CGREF1: variants seen among roughly 807,000 people sequenced by gnomAD.
The protein encoded by CGREF1 is cell growth regulator with EF hand domain protein 1.
In CGREF1, 16 loss-of-function variants were observed where a neutral mutation model predicts 17.4. That is an observed-to-expected ratio of 0.92 (90% confidence interval 0.62 to 1.40). The LOEUF is 1.40. Among genes scored for constraint, CGREF1 ranks in the 40% most tolerant of loss-of-function variants. CGREF1 has a pLI of 0.00. For missense variants in CGREF1, 296 were observed against 376.4 expected (o/e 0.79, Z 1.77); for synonymous variants, 142 against 154.6 (o/e 0.92, Z 0.61).
downstream of CGREF1, chr2:27,100,228 ACT>A (rs1469143636): frequency 1.3e-5 from 5 of 397,120 alleles, no homozygotes; most frequent in South Asian, 4.1e-5. Flanking sequence ...CGTTGTGCAG[ACT>A]CTATTCCCAC....
Position 27,102,387 on chromosome 2 carries a change from G to A in CGREF1, c.190C>T (p.Gln64Ter), listed in dbSNP as rs1157803736. ...TGCTCCCGGCTCAGATGCTCCAGTTGCACTTCTGTCCTTCCTAGTCCCTTT... is the reference window on the plus strand; with the variant it reads ...TGCTCCCGGCTCAGATGCTCCAGTTACACTTCTGTCCTTCCTAGTCCCTTT... ...YLKGLGRTEV[Q>*]LEHLSREQVL... Residue 64 changes from glutamine (Q) to a stop codon, truncating the protein, a stop_gained, in exon 4 of 6, where the codon CAA becomes TAA. Transcript: ENST00000402394. LOFTEE classifies it high-confidence loss of function. 3 of 1,614,002 alleles carry A rather than the reference G, an allele frequency of 1.9e-6. No homozygotes were observed. In the East Asian group the frequency reaches 6.7e-5, roughly 36 times the overall value.
downstream of CGREF1, chr2:27,100,438 A>C (rs1280055433): frequency 7.7e-7 from 1 of 1,291,016 alleles, no homozygotes; most frequent in Non-Finnish European, 1.0e-6. Flanking sequence ...GGCGTGCCTC[A>C]GCCACAAATG....
downstream of CGREF1, chr2:27,100,442 A>C: frequency 7.7e-7 from 1 of 1,291,078 alleles, no homozygotes; most frequent in East Asian, 5.5e-5. Context: ...TGCCTCAGCC[A>C]CAAATGTGAC....
At position 27,100,608 on chromosome 2, in the gene CGREF1, C is replaced by A; in HGVS notation, c.*666G>T. 1 of 1,216,274 alleles carries A rather than the reference C, an allele frequency of 8.2e-7. No individual in the cohort carries two copies. The highest frequency in any genetic ancestry group is 1.1e-6 in the Non-Finnish European group (1 of 927,206). The allele number at this position is 1,216,274 out of a possible 1,614,324, so 75.3% of individuals were successfully genotyped here. ...TGAGACAGACCTGGATTAAAATCTG[C>A]CATTTAATTAGCTGCATATCACCTT... On this transcript the variant is annotated 3_prime_UTR_variant, in exon 6 of 6. Coordinates refer to ENST00000402394, the MANE Select transcript of CGREF1 (RefSeq NM_006569.6).
chr2:27,116,481 T>G (rs1671567178), intron 1 of CGREF1, among the ~76,000 whole-genome samples: 1 of 151,488 alleles, frequency 6.6e-6, no homozygotes, highest in East Asian at 1.9e-4. Flanking sequence ...GAGCCAAGAT[T>G]GTGCCATTGC....
intron 1 of CGREF1, chr2:27,104,745 A>G: frequency 6.6e-7 from 1 of 1,508,582 alleles, no homozygotes; most frequent in East Asian, 2.5e-5. Context: ...TACAGATGGA[A>G]AGGAGCGCAG....
chr2:27,102,550 A>G lies in CGREF1; in HGVS notation c.122T>C (p.Phe41Ser). 6.2e-7 allele frequency: 1 copy of G among 1,613,852 alleles called. No individual in the cohort carries two copies. Among genetic ancestry groups the G allele is most frequent in the Non-Finnish European group, 8.5e-7 (1 of 1,179,932 alleles). Reference protein sequence around the residue: ...EVQHQLLPNPFQPGQEQLGLL... With the variant: ...EVQHQLLPNPSQPGQEQLGLL... The stretch of plus-strand genomic sequence containing the variant: ...CCCGAGCTGCTCCTGGCCTGGCTGG[A>G]AGGGGTTGGGCAGGAGCTGATGCTG... The change falls in exon 3 of 6, where the codon TTC (phenylalanine) becomes TCC (serine). Residue 41 changes from phenylalanine (F) to serine (S), a missense_variant. This residue lies in a region of CGREF1 where 247 missense variants were observed against 267.2 expected (regional missense o/e 0.92). Transcript: ENST00000402394.
chr2:27,100,831 G>A lies in CGREF1; in HGVS notation c.*443C>T. On this transcript the variant is annotated 3_prime_UTR_variant, in exon 6 of 6. Coordinates refer to ENST00000402394, the MANE Select transcript of CGREF1 (RefSeq NM_006569.6). ...ATGGGGTCACCTGCCCTGAGCTGCAGGAGAGCATGGGGTGTCTGAACACCA... is the reference window on the plus strand; with the variant it reads ...ATGGGGTCACCTGCCCTGAGCTGCAAGAGAGCATGGGGTGTCTGAACACCA... The A allele has an allele frequency of 9.0e-7, 1 of 1,108,972 alleles. No homozygotes were observed. The highest frequency in any genetic ancestry group is 1.1e-6 in the Non-Finnish European group (1 of 903,452). The allele number at this position is 1,108,972 out of a possible 1,614,324, so 68.7% of individuals were successfully genotyped here. A position where few individuals can be genotyped will look rare whatever the true frequency, so the allele number is the denominator to read the frequency against.
At chr2:27,099,526 C>G, downstream of CGREF1, 1 of 1,614,196 alleles carries the variant, frequency 6.2e-7, no homozygotes, top group Non-Finnish European at 8.5e-7. Flanking sequence ...GGTGGATACA[C>G]TGGGAGCTGG....
In CGREF1 at chr2:27,101,370, C is replaced by G; in HGVS notation, c.861G>C (p.Glu287Asp). 1 of 1,613,498 alleles carries G rather than the reference C, an allele frequency of 6.2e-7. No homozygotes were observed. ...GGQAEARENG[E>D]EAKELPGETL... is the part of the protein sequence containing the mutation. ...TTTCCCCTGGAAGTTCCTTGGCCTC[C>G]TCTCCATTCTCCCTGGCCTCTGCCT... Residue 287 changes from glutamate to aspartate, a missense_variant, in exon 6 of 6, where the codon GAG (glutamate) becomes GAC (aspartate). Glu to Asp is a conservative substitution (Grantham distance 45). This residue lies in a region of CGREF1 where 40 missense variants were observed against 40.8 expected (regional missense o/e 0.98). Transcript: ENST00000402394.
In CGREF1 at chr2:27,101,373, T is replaced by G. The variant is rs1390982129; in HGVS notation, c.858A>C (p.Gly286=). ...AGGQAEAREN[G]EEAKELPGET... ...CCCCTGGAAGTTCCTTGGCCTCCTC[T>G]CCATTCTCCCTGGCCTCTGCCTGGC... The change falls in exon 6 of 6, where the codon GGA becomes GGC. Residue 286 remains glycine (G), a synonymous_variant. Coordinates refer to ENST00000402394, the MANE Select transcript of CGREF1 (RefSeq NM_006569.6). 6.2e-7 allele frequency: 1 copy of G among 1,613,648 alleles called. No individual in the cohort carries two copies. The highest frequency in any genetic ancestry group is 8.5e-7 in the Non-Finnish European group (1 of 1,179,692).
chr2:27,111,559 C>A (rs1009716240), intron 1 of CGREF1, among the ~76,000 whole-genome samples: 36 of 152,332 alleles, frequency 2.4e-4, no homozygotes, highest in Admixed American at 1.8e-3. Context: ...CGCCGTGGAG[C>A]AGGGGGTGGC....
At position 27,100,911 on chromosome 2, in the gene CGREF1, A is replaced by C. The variant is rs1413891618; in HGVS notation, c.*363T>G. The stretch of plus-strand genomic sequence containing the variant: ...CCCAGGGATAGACTGAGCTTTCCTC[A>C]CTGGGTCCTCTGCAGCCGGCCATGG... On this transcript the variant is annotated 3_prime_UTR_variant, in exon 6 of 6. Transcript: ENST00000402394. The C allele has an allele frequency of 7.3e-6, 8 of 1,089,766 alleles. No individual in the cohort carries two copies. The African/African-American group carries it at 1.2e-4, about 16-fold the overall frequency. The allele number at this position is 1,089,766 out of a possible 1,614,324, so 67.5% of individuals were successfully genotyped here.
intron 1 of CGREF1, among the ~76,000 whole-genome samples, chr2:27,114,374 A>G (rs1031663280): frequency 6.6e-6 from 1 of 151,892 alleles, no homozygotes; most frequent in East Asian, 1.9e-4. Flanking sequence ...AAGGGGAAGC[A>G]CCCCTCAGAT....
intron 2 of CGREF1, chr2:27,103,018 G>T: frequency 1.0e-6 from 1 of 985,320 alleles, no homozygotes; most frequent in Non-Finnish European, 1.2e-6. Context: ...GACCCAGTTT[G>T]CTCCATGACA....
chr2:27,103,794 C>G lies in CGREF1; in HGVS notation c.80+493G>C, dbSNP rs887419764. On this transcript the variant is annotated intron_variant, in intron 2 of 5. Transcript: ENST00000402394. The stretch of plus-strand genomic sequence containing the variant: ...GGTCAAGAGTTCGAGACCAGCCTGG[C>G]CAACATGGTGAAACCCCACCTCTAC... Among the ~76,000 whole-genome samples, 2 of 151,654 alleles carry G rather than the reference C, an allele frequency of 1.3e-5. 1 individual carries two copies. The highest frequency in any genetic ancestry group is 1.3e-4 in the Admixed American group (2 of 15,244).
At chr2:27,105,112 A>G (rs1671065935) in intron 1 of CGREF1, among the ~76,000 whole-genome samples, 1 of 152,256 alleles carries the variant, frequency 6.6e-6, no homozygotes, top group African/African-American at 2.4e-5. Flanking sequence ...AGAATGGACC[A>G]ATCAAACAGA....
chr2:27,107,461 A>G (rs957413585), intron 1 of CGREF1, among the ~76,000 whole-genome samples: 3 of 150,994 alleles, frequency 2.0e-5, no homozygotes, highest in Admixed American at 1.3e-4. Context: ...CACCATGTTG[A>G]TCAGGCTGGT....
Position 27,118,861 on chromosome 2 carries a change from G to A in CGREF1, c.-27C>T, listed in dbSNP as rs1671689509. ...TGTCACCCACCTGCTGCGGCGCCGC[G>A]CGGCTCTGGGGGTCCAGCTCCGTGG... On this transcript the variant is annotated 5_prime_UTR_variant, in exon 1 of 6. Coordinates refer to ENST00000402394, the MANE Select transcript of CGREF1 (RefSeq NM_006569.6). 6.6e-6 allele frequency: 1 copy of A among 151,912 alleles called. No individual in the cohort carries two copies. The highest frequency in any genetic ancestry group is 1.5e-5 in the Non-Finnish European group (1 of 68,022). 9.4% of individuals were successfully genotyped at this position (151,912 alleles called of 1,614,324 possible). A position where few individuals can be genotyped will look rare whatever the true frequency, so the allele number is the denominator to read the frequency against.
Sources: allele counts gnomAD v4.1 joint callset (sites outside exome capture counted in the v4.1 genomes callset), GRCh38; gene constraint gnomAD v4.1.1; regional missense constraint gnomAD v4.1.1; transcripts MANE v1.5; gene names NCBI Gene and HGNC (gene_info 2026-07-23, HGNC 2026-07-21).